The following GRID2IP variants were observed in gnomAD, a reference collection of about 807,000 sequenced individuals.
GRID2IP encodes delphilin.
GRID2IP carries 78 observed loss-of-function variants against 114.3 expected under a neutral mutation model. That is an observed-to-expected ratio of 0.68 (90% CI 0.57 to 0.82). The LOEUF is 0.82. GRID2IP is among the 40% of genes least tolerant of loss of function. The probability of loss-of-function intolerance (pLI) is 0.00; values close to 1 mark genes in which losing one functional copy is unlikely to be tolerated. For missense variants in GRID2IP, 1,727 were observed against 1,678.5 expected, an observed-to-expected ratio of 1.03 and a Z score of -0.51; for synonymous variants, 809 against 724.0, an observed-to-expected ratio of 1.12 and a Z score of -1.89.
chr7:6,534,721 T>C lies in GRID2IP; in HGVS notation c.584+4997A>G, dbSNP rs1234086683. On this transcript the variant is annotated intron_variant, in intron 2 of 21. Coordinates refer to ENST00000457091, the MANE Select transcript of GRID2IP (RefSeq NM_001145118.2). The surrounding 1 kb of genome is among the most constrained non-coding windows in gnomAD (Gnocchi z 4.5). The stretch of plus-strand genomic sequence containing the variant: ...ATATTAATTACATTTAACTTTTTTT[T>C]TTTTGGAACAGAGTCTGGCTCTGTC... Among the ~76,000 whole-genome samples, 1 of 152,160 alleles carries C rather than the reference T, an allele frequency of 6.6e-6. No homozygotes were observed. The highest frequency in any genetic ancestry group is 1.5e-5 in the Non-Finnish European group (1 of 68,020).
chr7:6,546,343 C>T (rs1455559394), intron 1 of GRID2IP, among the ~76,000 whole-genome samples: 1 of 150,924 alleles, frequency 6.6e-6, no homozygotes, highest in African/African-American at 2.4e-5. Context: ...TCCCAAAGTG[C>T]TGGGATTACA....
Position 6,539,634 on chromosome 7 carries a change from G to A in GRID2IP, c.584+84C>T, listed in dbSNP as rs965624876. ...CTATTATCTCCCACCTGGGCTGGAA[G>A]GGGTGCCTGGGGTGGTTGTGAGGGA... On this transcript the variant is annotated intron_variant, in intron 2 of 21. Coordinates refer to ENST00000457091, the MANE Select transcript of GRID2IP (RefSeq NM_001145118.2). 1.7e-5 allele frequency: 22 copies of A among 1,294,328 alleles called. No homozygotes were observed. The African/African-American group carries it at 2.4e-4, about 14-fold the overall frequency. The allele number at this position is 1,294,328 out of a possible 1,614,324, so 80.2% of individuals were successfully genotyped here.
At chr7:6,531,987 G>C (rs115700114) in intron 2 of GRID2IP, among the ~76,000 whole-genome samples, 1 of 152,180 alleles carries the variant, frequency 6.6e-6, no homozygotes, top group African/African-American at 2.4e-5. Flanking sequence ...GGAGCGAGTA[G>C]AGGGCCTCCC....
In GRID2IP at chr7:6,551,152, GGGGCCGGATCCT is replaced by G; in HGVS notation, c.273_284del (p.Gly92_Pro95del). On this transcript the variant is annotated inframe_deletion, in exon 1 of 22. Transcript: ENST00000457091. ...CCCGCAAGACTGTGGTCGGGGCCGC[GGGGCCGGATCCT>G]GGGCCGGGGCCACCGTCGGGAGCCG... is the stretch of plus-strand genomic sequence containing the variant. The G allele has an allele frequency of 7.5e-7, 1 of 1,334,190 alleles. No homozygotes were observed. Among genetic ancestry groups the G allele is most frequent in the African/African-American group, 1.6e-5 (1 of 64,326 alleles). The allele number at this position is 1,334,190 out of a possible 1,614,324, so 82.6% of individuals were successfully genotyped here. A position where few individuals can be genotyped will look rare whatever the true frequency, so the allele number is the denominator to read the frequency against.
At chr7:6,543,915 G>T (rs892351646) in intron 1 of GRID2IP, among the ~76,000 whole-genome samples, 1 of 151,956 alleles carries the variant, frequency 6.6e-6, no homozygotes, top group African/African-American at 2.4e-5. Context: ...TCCTGACTCA[G>T]CCTCCCAAGT....
chr7:6,519,485 C>T lies in GRID2IP; in HGVS notation c.1268+1093G>A, dbSNP rs550813106. On this transcript the variant is annotated intron_variant, in intron 7 of 21. Transcript: ENST00000457091. The surrounding 1 kb of genome is among the most constrained non-coding windows in gnomAD (Gnocchi z 4.1). ...AAACAAAACCAAACCAGGCCAGGTG[C>T]GGTGACTCATGCCTGTAATCCCAGC... Among the ~76,000 whole-genome samples, 14 of 152,116 alleles carry T rather than the reference C, an allele frequency of 9.2e-5. No homozygotes were observed. Among genetic ancestry groups the T allele is most frequent in the Admixed American group, 5.2e-4 (8 of 15,268 alleles).
intron 18 of GRID2IP, 26 bp downstream of exon 18, chr7:6,502,760 C>T (rs1333244283): frequency 1.1e-5 from 17 of 1,515,770 alleles, no homozygotes; most frequent in South Asian, 2.4e-5. Context: ...GCAAACCAGT[C>T]GATTGCTGCC....
At position 6,501,879 on chromosome 7, in the gene GRID2IP, T is replaced by C. The variant is rs1185135608; in HGVS notation, c.3301A>G (p.Ser1101Gly). ...GTGCCATGGAGGTCAGCCAGGTCACTGGTCAGGGCCCGTTGGTTCACTGTA... is the reference window on the plus strand; with the variant it reads ...GTGCCATGGAGGTCAGCCAGGTCACCGGTCAGGGCCCGTTGGTTCACTGTA... ...AAKVNQRALT[S>G]DLADLHGTIS... The change falls in exon 20 of 22, where the codon AGT becomes GGT. Residue 1101 changes from serine to glycine, a missense_variant. Coordinates refer to ENST00000457091, the MANE Select transcript of GRID2IP (RefSeq NM_001145118.2). 1.3e-6 allele frequency: 2 copies of C among 1,551,596 alleles called. No homozygotes were observed. Among genetic ancestry groups the C allele is most frequent in the Admixed American group, 2.0e-5 (1 of 50,988 alleles).
intron 7 of GRID2IP, among the ~76,000 whole-genome samples, chr7:6,517,013 G>A (rs1037715189): frequency 1.7e-4 from 26 of 151,838 alleles, no homozygotes; most frequent in African/African-American, 5.1e-4. Context: ...GTGGTCCCCC[G>A]GGCCCAGCTG....
intron 8 of GRID2IP, among the ~76,000 whole-genome samples, chr7:6,512,284 G>T (rs1779189188): frequency 7.8e-6 from 1 of 127,914 alleles, no homozygotes; most frequent in Admixed American, 9.1e-5. Context: ...AGGCTGGAGT[G>T]CAATCAAGGC....
At position 6,503,569 on chromosome 7, in the gene GRID2IP, G is replaced by T. The variant is rs1316735341; in HGVS notation, c.2829C>A (p.Asp943Glu). 2.0e-6 allele frequency: 3 copies of T among 1,528,784 alleles called. No homozygotes were observed. The highest frequency in any genetic ancestry group is 2.0e-5 in the Admixed American group (1 of 50,698). 94.7% of individuals were successfully genotyped at this position (1,528,784 alleles called of 1,614,324 possible). Residue 943 changes from aspartate to glutamate, a missense_variant, in exon 16 of 22, where the codon GAC becomes GAA. Coordinates refer to ENST00000457091, the MANE Select transcript of GRID2IP (RefSeq NM_001145118.2). ...HLAQLLLFAP[D>E]ADEEQRYQAF... ...CCTGGTAGCGCTGCTCCTCGTCGGC[G>T]TCGGGCGCGAAGAGCAGCAGCTGCG...
Position 6,536,407 on chromosome 7 carries a change from G to T in GRID2IP, c.584+3311C>A, listed in dbSNP as rs1298903138. ...CTCTAAATCGAGCGCGCCCAAGGGG[G>T]TTCCCCCTCCCGCGCCCTGCCCGAC... On this transcript the variant is annotated intron_variant, in intron 2 of 21. Coordinates refer to ENST00000457091, the MANE Select transcript of GRID2IP (RefSeq NM_001145118.2). This position sits in a 1 kb window ranked among gnomAD's most constrained non-coding sequence, Gnocchi z 5.3. 1.3e-5 allele frequency among the ~76,000 whole-genome samples: 2 copies of T among 152,258 alleles called. No individual in the cohort carries two copies. The highest frequency in any genetic ancestry group is 2.9e-5 in the Non-Finnish European group (2 of 68,046).
intron 2 of GRID2IP, among the ~76,000 whole-genome samples, chr7:6,530,121 G>C (rs1272746229): frequency 6.6e-6 from 1 of 151,858 alleles, no homozygotes; most frequent in Non-Finnish European, 1.5e-5. Flanking sequence ...TTCACACCCG[G>C]CTAATTTTTT....
chr7:6,549,956 G>T (rs1779948715), intron 1 of GRID2IP, among the ~76,000 whole-genome samples: 1 of 151,946 alleles, frequency 6.6e-6, no homozygotes, highest in Non-Finnish European at 1.5e-5. Context: ...GATCTTAGAT[G>T]AAGGGCCAAG....
intron 14 of GRID2IP, among the ~76,000 whole-genome samples, chr7:6,505,328 G>A (rs1228516977): frequency 6.6e-6 from 1 of 151,206 alleles, no homozygotes; most frequent in Non-Finnish European, 1.5e-5. Flanking sequence ...AGAGTCCCTG[G>A]TGTTTGATCA....
chr7:6,542,987 A>G (rs934945908), intron 1 of GRID2IP, among the ~76,000 whole-genome samples: 1 of 151,974 alleles, frequency 6.6e-6, no homozygotes, highest in Non-Finnish European at 1.5e-5. Context: ...TGTGGGTGCA[A>G]CTTCAGCCTG....
At chr7:6,498,252 C>G (rs2115348439) in intron 20 of GRID2IP, 24 bp from the exon 21 acceptor site, 1 of 1,518,470 alleles carries the variant, frequency 6.6e-7, no homozygotes, top group Middle Eastern at 1.8e-4. Flanking sequence ...GTTAAGGAAA[C>G]AGCCAGCCCG....
Position 6,551,126 on chromosome 7 carries a change from G to C in GRID2IP, c.311C>G (p.Ala104Gly). ...GPAAPTTVLR[A>G]PRCGRGLALG... ...AGCTAGGCCGCGGCCGCACCGCGGGGCCCGCAAGACTGTGGTCGGGGCCGC... is the reference window on the plus strand; with the variant it reads ...AGCTAGGCCGCGGCCGCACCGCGGGCCCCGCAAGACTGTGGTCGGGGCCGC... The change falls in exon 1 of 22, where the codon GCC (alanine) becomes GGC (glycine). Residue 104 changes from alanine (A) to glycine (G), a missense_variant. Ala to Gly is a moderately conservative substitution (Grantham distance 60). Transcript: ENST00000457091. The C allele has an allele frequency of 7.7e-7, 1 of 1,303,826 alleles. No homozygotes were observed. The highest frequency in any genetic ancestry group is 9.7e-7 in the Non-Finnish European group (1 of 1,030,558). 80.8% of individuals were successfully genotyped at this position (1,303,826 alleles called of 1,614,324 possible).
At position 6,508,322 on chromosome 7, in the gene GRID2IP, T is replaced by C. The variant is rs1405135088; in HGVS notation, c.2207A>G (p.Glu736Gly). The C allele has an allele frequency of 6.4e-7, 1 of 1,551,228 alleles. No homozygotes were observed. The highest frequency in any genetic ancestry group is 1.2e-5 in the South Asian group (1 of 84,036). The change falls in exon 13 of 22, where the codon GAA (glutamate) becomes GGA (glycine). Residue 736 changes from glutamate (E) to glycine (G), a missense_variant. Transcript: ENST00000457091. This position sits in a 1 kb window ranked among gnomAD's most constrained non-coding sequence, Gnocchi z 5.6. ...SASDCISSSE[E>G]GSSLTYSSIS... is the part of the protein sequence containing the mutation. ...GGAGGAGTAGGTCAGGGAGCTGCCT[T>C]CTTCACTGCTGCTGATGCAGTCGCT... is the stretch of plus-strand genomic sequence containing the variant.
Sources: gnomAD v4.1 joint callset for allele counts (sites outside exome capture counted in the v4.1 genomes callset) on GRCh38, gnomAD v4.1.1 for gene constraint, Gnocchi (gnomAD v3.1) non-coding constraint, MANE v1.5 for transcripts, NCBI Gene and HGNC (gene_info 2026-07-23, HGNC 2026-07-21) for gene names.